Variants in COL1A2 observed in about 807,000 individuals in gnomAD.
COL1A2 encodes collagen alpha-2(I) chain.
A neutral mutation model predicts 174.3 loss-of-function variants in COL1A2; 49 were observed. That is an observed-to-expected ratio of 0.28 (90% CI 0.22 to 0.36). The LOEUF is 0.36. COL1A2 is among the 10% of genes least tolerant of loss of function. The pLI is 1.00. For synonymous variants in COL1A2, 655 were observed against 606.6 expected (o/e 1.08, Z -1.17); for missense variants, 1,438 against 1,822.7 (o/e 0.79, Z 3.84).
chr7:94,410,102 A>T (rs1791888082), intron 19 of COL1A2, 140 bp from the exon 20 acceptor site: 2 of 902,912 alleles, frequency 2.2e-6, no homozygotes, highest in Non-Finnish European at 3.6e-6. Flanking sequence ...CCTGTACTCA[A>T]TTTAAATATG....
intron 46 of COL1A2, 130 bp from the exon 47 acceptor site, chr7:94,426,878 C>A: frequency 1.2e-6 from 1 of 829,504 alleles, no homozygotes; most frequent in South Asian, 1.5e-5. Context: ...AAGAGCCCCA[C>A]TTTACATTTT....
chr7:94,406,922 G>A (rs1025656987), intron 12 of COL1A2, among the ~76,000 whole-genome samples: 2 of 152,120 alleles, frequency 1.3e-5, no homozygotes, highest in Non-Finnish European at 2.9e-5. Flanking sequence ...GAATACTAGC[G>A]GGACCAGAAA....
intron 12 of COL1A2, among the ~76,000 whole-genome samples, chr7:94,407,305 A>T (rs1791823097): frequency 6.6e-6 from 1 of 151,828 alleles, no homozygotes; most frequent in Admixed American, 6.6e-5. Flanking sequence ...GATTATCTTT[A>T]AAAAAAGTTC....
intron 39 of COL1A2, chr7:94,422,650 C>T: frequency 3.1e-6 from 1 of 324,328 alleles, no homozygotes; most frequent in Non-Finnish European, 5.8e-6. Context: ...TCATTAACTC[C>T]TATCATTCTA....
intron 13 of COL1A2, 115 bp from the exon 14 acceptor site, chr7:94,408,068 C>T (rs1791838772): frequency 7.8e-7 from 1 of 1,280,252 alleles, no homozygotes; most frequent in Non-Finnish European, 1.1e-6. Flanking sequence ...TAGAAGGCAA[C>T]TTATTTATTT....
chr7:94,424,747 C>T (rs989015247), intron 41 of COL1A2: 9 of 467,358 alleles, frequency 1.9e-5, no homozygotes, highest in Admixed American at 3.4e-5. Context: ...ATCATTTATC[C>T]TGTAGGAAGA....
chr7:94,417,866 A>G, intron 32 of COL1A2, 35 bp downstream of exon 32: 1 of 1,520,236 alleles, frequency 6.6e-7, no homozygotes, highest in South Asian at 1.2e-5. Context: ...TTGTTGATGA[A>G]CTCTAGTAAA....
In COL1A2 at chr7:94,404,860, C is replaced by A; in HGVS notation, c.400C>A (p.Pro134Thr). The change falls in exon 9 of 52, where the codon CCA becomes ACA. Residue 134 changes from proline to threonine, a missense_variant. Around this residue, in one of 3 missense-constraint regions of COL1A2, gnomAD observed 281 missense variants for 310.9 expected, o/e 0.90. Coordinates refer to ENST00000297268, the MANE Select transcript of COL1A2 (RefSeq NM_000089.4). ...TTAGGGTCCTGCAGGTGCTCGTGGT[C>A]CAGCTGGCCCTCCTGGCAAGGCTGG... ...GQTGPAGARG[P>T]AGPPGKAGED... 6.2e-7 allele frequency: 1 copy of A among 1,613,920 alleles called. No individual in the cohort carries two copies. The highest frequency in any genetic ancestry group is 8.5e-7 in the Non-Finnish European group (1 of 1,179,944).
intron 25 of COL1A2, 127 bp from the exon 26 acceptor site, chr7:94,412,956 A>G (rs1310255194): frequency 5.3e-6 from 5 of 937,804 alleles, no homozygotes; most frequent in Non-Finnish European, 8.7e-6. Flanking sequence ...AGATAACAGA[A>G]ACCACAGACT....
At chr7:94,428,068 A>G (rs1792319546) in intron 49 of COL1A2, among the ~76,000 whole-genome samples, 183 bp downstream of exon 49, 2 of 152,138 alleles carry the variant, frequency 1.3e-5, no homozygotes, top group Non-Finnish European at 2.9e-5. Flanking sequence ...CTTAAAATGT[A>G]TTTTTGCACT....
In COL1A2 at chr7:94,412,876, GAGCCCCATGC is replaced by G. The variant is rs1174451673; in HGVS notation, c.1503+195_1504-197del. On this transcript the variant is annotated intron_variant, in intron 25 of 51. Coordinates refer to ENST00000297268, the MANE Select transcript of COL1A2 (RefSeq NM_000089.4). ...TATCCCTGCTAAAAATCCATCTCCT[GAGCCCCATGC>G]TTCCACAGACACAGGGACATCTTAC... 7.9e-5 allele frequency among the ~76,000 whole-genome samples: 12 copies of G among 152,232 alleles called. 1 individual carries two copies. Among genetic ancestry groups the G allele is most frequent in the African/African-American group, 2.9e-4 (12 of 41,520 alleles).
At chr7:94,405,652 T>A in intron 10 of COL1A2, 21 bp from the exon 11 acceptor site, 1 of 1,595,834 alleles carries the variant, frequency 6.3e-7, no homozygotes, top group Non-Finnish European at 8.6e-7. Context: ...TTATTCACCA[T>A]CTTCTGTATT....
In COL1A2 at chr7:94,415,134, T is replaced by G. The variant is rs1792012152; in HGVS notation, c.1720-92T>G. ...CTCATGTAGATACTGCCAGGTTTAT[T>G]TCACTCTTTCCAAATTTTTCAAATA... On this transcript the variant is annotated intron_variant, in intron 29 of 51. Coordinates refer to ENST00000297268, the MANE Select transcript of COL1A2 (RefSeq NM_000089.4). 10 of 1,201,996 alleles carry G rather than the reference T, an allele frequency of 8.3e-6. 1 individual carries two copies. The South Asian group carries it at 1.2e-4, about 15-fold the overall frequency. 74.5% of individuals were successfully genotyped at this position (1,201,996 alleles called of 1,614,324 possible). A position where few individuals can be genotyped will look rare whatever the true frequency, so the allele number is the denominator to read the frequency against.
chr7:94,408,125 C>T lies in COL1A2; in HGVS notation c.640-58C>T, dbSNP rs1584318020. On this transcript the variant is annotated intron_variant, in intron 13 of 51. Coordinates refer to ENST00000297268, the MANE Select transcript of COL1A2 (RefSeq NM_000089.4). ...TGGAAACTGAACAAAGCAAATGATG[C>T]CTGTGACTTTTTTTAAATTAGCATT... 8.3e-6 allele frequency: 13 copies of T among 1,561,648 alleles called. No homozygotes were observed. The South Asian group carries it at 1.2e-4, about 15-fold the overall frequency.
At chr7:94,415,916 A>G (rs1198487361) in intron 30 of COL1A2, among the ~76,000 whole-genome samples, 1 of 152,208 alleles carries the variant, frequency 6.6e-6, no homozygotes. Context: ...ATATATATAC[A>G]CAAATACATA....
rs917940484 is a variant in COL1A2, at chr7:94,406,378, T to C, written c.594+75T>C. On this transcript the variant is annotated intron_variant, in intron 12 of 51. Transcript: ENST00000297268. Reference sequence around the variant, plus strand: ...CCATGACCTCCAAAAAAGTATATTATACTGAAGACTACCCATATTACAAAA... The same window carrying C: ...CCATGACCTCCAAAAAAGTATATTACACTGAAGACTACCCATATTACAAAA... 46 of 1,262,730 alleles carry C rather than the reference T, an allele frequency of 3.6e-5. 2 individuals carry two copies. In the Middle Eastern group the frequency reaches 4.7e-3, roughly 128 times the overall value. 78.2% of individuals were successfully genotyped at this position (1,262,730 alleles called of 1,614,324 possible).
rs150867327 is a variant in COL1A2 at position 94,425,783 on chromosome 7, G to A, written c.2869G>A (p.Val957Ile). The A allele has an allele frequency of 9.4e-5, 152 of 1,613,154 alleles. No homozygotes were observed. Among genetic ancestry groups the A allele is most frequent in the Middle Eastern group, 1.7e-4 (1 of 6,060 alleles). Residue 957 changes from valine to isoleucine, a missense_variant, in exon 44 of 52, where the codon GTT (valine) becomes ATT (isoleucine). This residue lies in a region of COL1A2 where 867 missense variants were observed against 1,213.7 expected (regional missense o/e 0.71). Transcript: ENST00000297268. ...CGGTTACCCTGGCAATATTGGTCCCGTTGGTGCTGCAGGTGCACCTGGTCC... is the reference window on the plus strand; with the variant it reads ...CGGTTACCCTGGCAATATTGGTCCCATTGGTGCTGCAGGTGCACCTGGTCC... The part of the protein sequence containing the change: ...ERGYPGNIGP[V>I]GAAGAPGPHG...
intron 10 of COL1A2, 53 bp downstream of exon 10, chr7:94,405,305 G>T: frequency 6.5e-7 from 1 of 1,540,008 alleles, no homozygotes; most frequent in South Asian, 1.1e-5. Flanking sequence ...CTATAAGATA[G>T]TTGCTAAAAC....
chr7:94,400,274 C>G lies in COL1A2; in HGVS notation c.211C>G (p.Pro71Ala), dbSNP rs775240284. 5.6e-6 allele frequency: 9 copies of G among 1,613,358 alleles called. No homozygotes were observed. Among genetic ancestry groups the G allele is most frequent in the Non-Finnish European group, 7.6e-6 (9 of 1,179,894 alleles). ...PPGPPGPPGP[P>A]GLGGNFAAQY... Reference sequence around the variant, plus strand: ...TGGTCCACCTGGTCCTCCTGGCCCCCCTGGTCTCGGTGGGGTAAGGTGTCT... The same window carrying G: ...TGGTCCACCTGGTCCTCCTGGCCCCGCTGGTCTCGGTGGGGTAAGGTGTCT... The change falls in exon 5 of 52, where the codon CCT becomes GCT. Residue 71 changes from proline (P) to alanine (A), a missense_variant. Pro to Ala is a conservative substitution (Grantham distance 27). Coordinates refer to ENST00000297268, the MANE Select transcript of COL1A2 (RefSeq NM_000089.4).
Sources: allele counts gnomAD v4.1 joint callset (sites outside exome capture counted in the v4.1 genomes callset), GRCh38; gene constraint gnomAD v4.1.1; regional missense constraint gnomAD v4.1.1; transcripts MANE v1.5; gene names NCBI Gene and HGNC (gene_info 2026-07-23, HGNC 2026-07-21).